Variants in PPP1R13B observed in about 807,000 individuals in gnomAD.
The protein encoded by PPP1R13B is apoptosis-stimulating of p53 protein 1.
PPP1R13B carries 44 observed loss-of-function variants against 119.8 expected under a neutral mutation model. The ratio of observed to expected loss-of-function variants is 0.37; its 90% CI spans 0.29 to 0.47. PPP1R13B has a LOEUF of 0.47. Among genes scored for constraint, PPP1R13B ranks in the 20% least tolerant of loss-of-function variants. PPP1R13B has a pLI of 0.99. For missense variants in PPP1R13B, 1,227 were observed against 1,413.5 expected (o/e 0.87, Z 2.12); for synonymous variants, 542 against 561.5 (o/e 0.97, Z 0.49).
intron 3 of PPP1R13B, among the ~76,000 whole-genome samples, chr14:103,783,561 T>G (rs1295661971): frequency 6.7e-6 from 1 of 149,710 alleles, no homozygotes; most frequent in Non-Finnish European, 1.5e-5. Flanking sequence ...CTATTTTTAT[T>G]TTTTGAGACA....
Position 103,739,938 on chromosome 14 carries a change from C to T in PPP1R13B, c.2478G>A (p.Thr826=), listed in dbSNP as rs2084209822. The change falls in exon 12 of 17, where the codon ACG becomes ACA. Residue 826 remains threonine (T), a synonymous_variant. Transcript: ENST00000202556. ...PAEDNNNNVA[T]VPTTEQIPSP... ...TCGGGATCTGCTCCGTGGTGGGGACCGTGGCCACGTTGTTGTTATTGTCCT... is the reference window on the plus strand; with the variant it reads ...TCGGGATCTGCTCCGTGGTGGGGACTGTGGCCACGTTGTTGTTATTGTCCT... The T allele has an allele frequency of 1.9e-6, 3 of 1,614,084 alleles. No individual in the cohort carries two copies. Among genetic ancestry groups the T allele is most frequent in the Non-Finnish European group, 1.7e-6 (2 of 1,180,042 alleles).
chr14:103,765,989 A>T lies in PPP1R13B; in HGVS notation c.355-8238T>A, dbSNP rs189696956. The stretch of plus-strand genomic sequence containing the variant: ...AACTCTCGGAGGAAATTTTTATTTT[A>T]TTATTATTATTATTATTATTATTAT... On this transcript the variant is annotated intron_variant, in intron 4 of 16. Transcript: ENST00000202556. Among the ~76,000 whole-genome samples, 37 of 133,798 alleles carry T rather than the reference A, an allele frequency of 2.8e-4. 2 individuals are homozygous for T. Among genetic ancestry groups the T allele is most frequent in the South Asian group, 1.6e-3 (7 of 4,434 alleles). The allele number at this position is 133,798 out of a possible 152,430, so 87.8% of individuals were successfully genotyped here. A position where few individuals can be genotyped will look rare whatever the true frequency, so the allele number is the denominator to read the frequency against.
chr14:103,836,607 A>G (rs2086784661), intron 1 of PPP1R13B, among the ~76,000 whole-genome samples: 1 of 151,650 alleles, frequency 6.6e-6, no homozygotes, highest in Non-Finnish European at 1.5e-5. Context: ...CATCTCTACT[A>G]AAGATAAAAA....
Position 103,741,931 on chromosome 14 carries a change from C to G in PPP1R13B, c.1681G>C (p.Gly561Arg), listed in dbSNP as rs753451522. The part of the protein sequence containing the change: ...VAIRPFLADK[G>R]SRPQSPRKGP... The stretch of plus-strand genomic sequence containing the variant: ...TTCCTGGGAGACTGTGGCCTTGACC[C>G]TTTATCAGCCAGGAAAGGCCTAATG... The change falls in exon 11 of 17, where the codon GGG (glycine) becomes CGG (arginine). Residue 561 changes from glycine (G) to arginine (R), a missense_variant. Physicochemically the swap from Gly to Arg is moderately radical, Grantham distance 125. Coordinates refer to ENST00000202556, the MANE Select transcript of PPP1R13B (RefSeq NM_015316.3). 1 of 1,614,224 alleles carries G rather than the reference C, an allele frequency of 6.2e-7. No homozygotes were observed. Among genetic ancestry groups the G allele is most frequent in the Non-Finnish European group, 8.5e-7 (1 of 1,180,046 alleles).
At chr14:103,843,250 T>C (rs1192077175) in intron 1 of PPP1R13B, among the ~76,000 whole-genome samples, 1 of 151,992 alleles carries the variant, frequency 6.6e-6, no homozygotes, top group Non-Finnish European at 1.5e-5. Context: ...GGTGTGCACA[T>C]GTAGTCCCAG....
chr14:103,784,000 G>A lies in PPP1R13B; in HGVS notation c.277+795C>T, dbSNP rs1047296889. 2.0e-5 allele frequency among the ~76,000 whole-genome samples: 3 copies of A among 151,974 alleles called. No homozygotes were observed. The East Asian group carries it at 5.8e-4, about 29-fold the overall frequency. On this transcript the variant is annotated intron_variant, in intron 3 of 16. Coordinates refer to ENST00000202556, the MANE Select transcript of PPP1R13B (RefSeq NM_015316.3). ...ATATATTTTTAAAATCTAGATGTTT[G>A]ACCAATCTGATATTTACCAAAAACA...
chr14:103,742,102 G>A lies in PPP1R13B; in HGVS notation c.1510C>T (p.Pro504Ser), dbSNP rs1374428237. Reference protein sequence around the residue: ...LPSRQRPTLLPATGSTPQPGS... With the variant: ...LPSRQRPTLLSATGSTPQPGS... ...GGCTGGGGGGTGCTGCCTGTGGCGG[G>A]CAGCAGGGTGGGCCTCTGTCGACTT... The change falls in exon 11 of 17, where the codon CCC becomes TCC. Residue 504 changes from proline to serine, a missense_variant. Pro to Ser is a moderately conservative substitution (Grantham distance 74). Coordinates refer to ENST00000202556, the MANE Select transcript of PPP1R13B (RefSeq NM_015316.3). The surrounding 1 kb of genome is among the most constrained non-coding windows in gnomAD (Gnocchi z 4.9). 2.5e-6 allele frequency: 4 copies of A among 1,613,430 alleles called. No homozygotes were observed. In the East Asian group the frequency reaches 8.9e-5, roughly 36 times the overall value.
intron 15 of PPP1R13B, 193 bp downstream of exon 15, chr14:103,737,501 G>T (rs1392471222): frequency 9.9e-6 from 6 of 607,968 alleles, no homozygotes; most frequent in Non-Finnish European, 1.6e-5. Context: ...AATTGAGCCC[G>T]GGAGGTCGAG....
Position 103,740,007 on chromosome 14 carries a change from C to T in PPP1R13B, c.2409G>A (p.Glu803=). 1 of 1,614,052 alleles carries T rather than the reference C, an allele frequency of 6.2e-7. No homozygotes were observed. Among genetic ancestry groups the T allele is most frequent in the Non-Finnish European group, 8.5e-7 (1 of 1,179,998 alleles). The stretch of plus-strand genomic sequence containing the variant: ...GGTGGGTGGTTTGGGGACAGATGAG[C>T]TCCTCTGGTTCGGGGGAAGGTAACT... ...DNELPSPEPE[E]LICPQTTHQT... Residue 803 remains glutamate, a synonymous_variant, in exon 12 of 17, where the codon GAG becomes GAA. Coordinates refer to ENST00000202556, the MANE Select transcript of PPP1R13B (RefSeq NM_015316.3). The surrounding 1 kb of genome is among the most constrained non-coding windows in gnomAD (Gnocchi z 4.6).
intron 7 of PPP1R13B, among the ~76,000 whole-genome samples, chr14:103,750,951 C>T (rs1427408248): frequency 6.6e-6 from 1 of 151,854 alleles, no homozygotes; most frequent in Non-Finnish European, 1.5e-5. Flanking sequence ...GTCAGGAGTT[C>T]GAGACCAGCC....
chr14:103,822,408 TAGA>T (rs2086431787), intron 1 of PPP1R13B, among the ~76,000 whole-genome samples: 1 of 152,082 alleles, frequency 6.6e-6, no homozygotes. Context: ...GTGCTGGGAT[TAGA>T]AGAAGCGTGA....
chr14:103,765,186 G>A (rs528341593), intron 4 of PPP1R13B, among the ~76,000 whole-genome samples: 4 of 152,108 alleles, frequency 2.6e-5, no homozygotes, highest in Non-Finnish European at 5.9e-5. Flanking sequence ...TTTTGTTCGT[G>A]ATGTCTTATT....
In PPP1R13B at chr14:103,797,522, T is replaced by G. The variant is rs371344434; in HGVS notation, c.10-4A>C. 5 of 1,608,146 alleles carry G rather than the reference T, an allele frequency of 3.1e-6. No homozygotes were observed. Among genetic ancestry groups the G allele is most frequent in the Non-Finnish European group, 4.3e-6 (5 of 1,176,068 alleles). The stretch of plus-strand genomic sequence containing the variant: ...TCAAGAAAACAGTTAATATCATCTG[T>G]AAGACAAAAGAGTAAAGCTGTAATT... On this transcript the variant is annotated splice_region_variant and splice_polypyrimidine_tract_variant and intron_variant, in intron 1 of 16. Transcript: ENST00000202556.
intron 1 of PPP1R13B, among the ~76,000 whole-genome samples, chr14:103,813,620 C>T (rs1034607211): frequency 1.3e-4 from 20 of 152,312 alleles, no homozygotes; most frequent in African/African-American, 4.8e-4. Context: ...TGAGGTCTCC[C>T]AGGCACGCAG....
chr14:103,812,054 C>T (rs1454991856), intron 1 of PPP1R13B, among the ~76,000 whole-genome samples: 1 of 133,888 alleles, frequency 7.5e-6, no homozygotes, highest in African/African-American at 2.8e-5. Flanking sequence ...AGCCAGACTC[C>T]CCCTCAAAAA....
intron 3 of PPP1R13B, among the ~76,000 whole-genome samples, chr14:103,780,672 G>A (rs1030086183): frequency 1.3e-5 from 2 of 151,292 alleles, no homozygotes; most frequent in Admixed American, 6.6e-5. Context: ...AAATTAGCCC[G>A]GCATGGTGGT....
chr14:103,848,780 C>G (rs578160844), upstream of PPP1R13B, among the ~76,000 whole-genome samples: 1 of 152,212 alleles, frequency 6.6e-6, no homozygotes, highest in African/African-American at 2.4e-5. Flanking sequence ...CACCCCTGTC[C>G]CTCAGAGGCC....
chr14:103,733,247 C>A lies in PPP1R13B; in HGVS notation c.*1907G>T. The A allele has an allele frequency of 1.8e-6, 1 of 561,112 alleles. No individual in the cohort carries two copies. The highest frequency in any genetic ancestry group is 3.1e-6 in the Non-Finnish European group (1 of 319,854). The allele number at this position is 561,112 out of a possible 1,614,324, so 34.8% of individuals were successfully genotyped here. On this transcript the variant is annotated 3_prime_UTR_variant, in exon 17 of 17. Transcript: ENST00000202556. ...TTTTAGAATTTGTGTATTGTCAATA[C>A]TTAATTGGGGGTGGGAGAGACTGAG...
rs560731567 is a variant in PPP1R13B, at chr14:103,806,953, T to C, written c.10-9435A>G. ...TTTCCACTCTCACCCTTCAGATACA[T>C]CACTTCATTCAAAACCTTCCCGTGG... On this transcript the variant is annotated intron_variant, in intron 1 of 16. Transcript: ENST00000202556. Among the ~76,000 whole-genome samples the C allele has an allele frequency of 3.9e-5, 6 of 152,294 alleles. No homozygotes were observed. In the South Asian group the frequency reaches 1.2e-3, roughly 32 times the overall value.
Sources: allele counts gnomAD v4.1 joint callset (sites outside exome capture counted in the v4.1 genomes callset), GRCh38; gene constraint gnomAD v4.1.1; non-coding constraint Gnocchi (gnomAD v3.1); transcripts MANE v1.5; gene names NCBI Gene and HGNC (gene_info 2026-07-23, HGNC 2026-07-21).